The following DTHD1 variants were observed in gnomAD, a reference collection of about 807,000 sequenced individuals.
The protein encoded by DTHD1 is death domain-containing protein 1.
Under a neutral mutation model 74.8 loss-of-function variants are expected in DTHD1, and 59 were observed. The observed-to-expected ratio is 0.79, with a 90% confidence interval of 0.64 to 0.98. The LOEUF is 0.98. Among genes scored for constraint, DTHD1 ranks in the 50% least tolerant of loss-of-function variants. The pLI is 0.00. For synonymous variants in DTHD1, 365 were observed against 371.1 expected (o/e 0.98, Z 0.19); for missense variants, 1,051 against 1,065.4 (o/e 0.99, Z 0.19).
chr4:36,293,825 T>G, intron 4 of DTHD1, 120 bp downstream of exon 4: 1 of 838,888 alleles, frequency 1.2e-6, no homozygotes, highest in South Asian at 3.4e-5. Context: ...TATTTTCTTG[T>G]AGTTGTAACG....
chr4:36,290,077 A>T (rs757811748), intron 2 of DTHD1, among the ~76,000 whole-genome samples: 9 of 152,208 alleles, frequency 5.9e-5, no homozygotes, highest in Non-Finnish European at 1.3e-4. Flanking sequence ...AAAAGTAATT[A>T]TAGCTAATAT....
chr4:36,284,633 T>C (rs1436488199), intron 2 of DTHD1, 42 bp downstream of exon 2: 1 of 1,372,744 alleles, frequency 7.3e-7, no homozygotes, highest in Non-Finnish European at 9.7e-7. Context: ...TATGCCTACT[T>C]ATATGTGTGT....
chr4:36,307,609 C>T (rs536209551), intron 6 of DTHD1, among the ~76,000 whole-genome samples: 7 of 152,168 alleles, frequency 4.6e-5, no homozygotes, highest in South Asian at 2.1e-4. Context: ...TTCCTACCAA[C>T]GTCCATCCTA....
At chr4:36,293,825 T>C (rs1216998174) in intron 4 of DTHD1, 120 bp downstream of exon 4, 1 of 838,770 alleles carries the variant, frequency 1.2e-6, no homozygotes, top group Non-Finnish European at 1.7e-6. Flanking sequence ...TATTTTCTTG[T>C]AGTTGTAACG....
Position 36,294,920 on chromosome 4 carries a change from A to G in DTHD1, c.1524A>G (p.Pro508=). 3.2e-6 allele frequency: 5 copies of G among 1,551,960 alleles called. No homozygotes were observed. The highest frequency in any genetic ancestry group is 2.7e-5 in the African/African-American group (2 of 73,166). Residue 508 remains proline (P), a synonymous_variant, in exon 5 of 10, where the codon CCA becomes CCG. Transcript: ENST00000639862. The part of the protein sequence containing the change: ...QHPSTYPFQK[P]VTLFLPCSPY... ...CATCAACTTATCCTTTTCAGAAGCC[A>G]GTCACTTTGTTTTTACCTTGTTCTC...
intron 9 of DTHD1, among the ~76,000 whole-genome samples, chr4:36,339,803 G>C (rs551373387): frequency 1.3e-5 from 2 of 152,164 alleles, no homozygotes; most frequent in Non-Finnish European, 2.9e-5. Flanking sequence ...ATATGAGTTT[G>C]CCCTTACGGA....
chr4:36,327,187 G>A (rs1578483384), intron 8 of DTHD1, among the ~76,000 whole-genome samples: 2 of 152,028 alleles, frequency 1.3e-5, no homozygotes, highest in African/African-American at 4.8e-5. Flanking sequence ...GACTGGTCTC[G>A]AACTCCTGAC....
intron 5 of DTHD1, among the ~76,000 whole-genome samples, chr4:36,301,051 G>C (rs1175395244): frequency 6.6e-6 from 1 of 152,100 alleles, no homozygotes; most frequent in African/African-American, 2.4e-5. Context: ...CCCAGTTAGA[G>C]AAACAAAATA....
chr4:36,299,369 C>T (rs1223095187), intron 5 of DTHD1, among the ~76,000 whole-genome samples: 1 of 152,182 alleles, frequency 6.6e-6, no homozygotes, highest in Non-Finnish European at 1.5e-5. Context: ...CTCTTTATTG[C>T]TGTTCTGAAG....
chr4:36,293,597 G>A lies in DTHD1; in HGVS notation c.1290G>A (p.Ser430=), dbSNP rs752685129. ...TTGTGTCTTGTTTAAAGAAAGAGTC[G>A]TTCACAGTAACAAAGAAAGGCCTCG... ...FSVVSCLKKE[S]FTVTKKGLAL... is the part of the protein sequence containing the mutation. The change falls in exon 4 of 10, where the codon TCG becomes TCA. Residue 430 remains serine (S), a synonymous_variant. Coordinates refer to ENST00000639862, the MANE Select transcript of DTHD1 (RefSeq NM_001170700.3). 116 of 1,549,580 alleles carry A rather than the reference G, an allele frequency of 7.5e-5. 1 individual carries two copies. Among genetic ancestry groups the A allele is most frequent in the South Asian group, 2.9e-4 (24 of 83,812 alleles).
intron 2 of DTHD1, 73 bp from the exon 3 acceptor site, chr4:36,290,300 T>C: frequency 2.9e-6 from 4 of 1,397,356 alleles, no homozygotes; most frequent in Non-Finnish European, 2.9e-6. Context: ...CTAGAGTCTG[T>C]GCTTTTCTGC....
Position 36,346,332 on chromosome 4 carries a change from C to T in DTHD1, c.*2508C>T, listed in dbSNP as rs1759583448. On this transcript the variant is annotated 3_prime_UTR_variant, in exon 10 of 10. Coordinates refer to ENST00000639862, the MANE Select transcript of DTHD1 (RefSeq NM_001170700.3). ...AAAACACTCCCTGTCATAACCCTCC[C>T]GTCTTTCTTTCTCTCTCTCACACAT... Among the ~76,000 whole-genome samples, 2 of 152,070 alleles carry T rather than the reference C, an allele frequency of 1.3e-5. No homozygotes were observed. Among genetic ancestry groups the T allele is most frequent in the African/African-American group, 2.4e-5 (1 of 41,496 alleles).
chr4:36,295,007 A>T lies in DTHD1; in HGVS notation c.1611A>T (p.Thr537=). Residue 537 remains threonine (T), a synonymous_variant, in exon 5 of 10, where the codon ACA becomes ACT. Coordinates refer to ENST00000639862, the MANE Select transcript of DTHD1 (RefSeq NM_001170700.3). ...ATCATAAAAGAAGAGCAAGTGCCACAATAAATAGGATTACACCTTCGTATT... is the reference window on the plus strand; with the variant it reads ...ATCATAAAAGAAGAGCAAGTGCCACTATAAATAGGATTACACCTTCGTATT... The part of the protein sequence containing the change: ...EIDHKRRASA[T]INRITPSYFN... 1.3e-6 allele frequency: 2 copies of T among 1,550,230 alleles called. No individual in the cohort carries two copies. The highest frequency in any genetic ancestry group is 1.2e-5 in the South Asian group (1 of 83,962).
chr4:36,297,151 G>A (rs1330852473), intron 5 of DTHD1, among the ~76,000 whole-genome samples: 1 of 152,192 alleles, frequency 6.6e-6, no homozygotes, highest in Non-Finnish European at 1.5e-5. Flanking sequence ...TGAGGAGGAG[G>A]AAGAGGAGGG....
chr4:36,306,373 C>A (rs964077110), intron 6 of DTHD1, 21 bp downstream of exon 6: 3 of 1,516,816 alleles, frequency 2.0e-6, no homozygotes, highest in African/African-American at 1.4e-5. Flanking sequence ...CAAAAACAAT[C>A]AAAGTTGATG....
chr4:36,285,407 C>T (rs1755642044), intron 2 of DTHD1, among the ~76,000 whole-genome samples: 1 of 152,042 alleles, frequency 6.6e-6, no homozygotes, highest in Non-Finnish European at 1.5e-5. Flanking sequence ...TATGGATGAG[C>T]TTTGGGAGGT....
intron 1 of DTHD1, among the ~76,000 whole-genome samples, chr4:36,283,319 T>C (rs16992033): frequency 0.033 from 4,959 of 152,298 alleles, 259 homozygotes; most frequent in East Asian, 0.25. Context: ...CCTGAGTTAG[T>C]AGGCTTTGAG....
chr4:36,330,519 T>G (rs1006397551), intron 8 of DTHD1, among the ~76,000 whole-genome samples: 7 of 152,174 alleles, frequency 4.6e-5, no homozygotes, highest in African/African-American at 1.7e-4. Flanking sequence ...ATATTATACT[T>G]CAAGGTTCTA....
In DTHD1 at chr4:36,297,610, A is replaced by G. The variant is rs187614638; in HGVS notation, c.1643+2571A>G. On this transcript the variant is annotated intron_variant, in intron 5 of 9. Transcript: ENST00000639862. ...TTGCTACCAATAACCAAATAACCAG[A>G]GAGTGTTATGCCTCTCTCATGGCCA... Among the ~76,000 whole-genome samples, 93 of 152,278 alleles carry G rather than the reference A, an allele frequency of 6.1e-4. 1 individual carries two copies. In the Middle Eastern group the frequency reaches 0.017, roughly 28 times the overall value.
Sources: gnomAD v4.1 joint callset for allele counts (sites outside exome capture counted in the v4.1 genomes callset) on GRCh38, gnomAD v4.1.1 for gene constraint, MANE v1.5 for transcripts, NCBI Gene and HGNC (gene_info 2026-07-23, HGNC 2026-07-21) for gene names.